The following MMS22L variants were observed in gnomAD, a reference collection of about 807,000 sequenced individuals.
MMS22L encodes protein MMS22-like.
MMS22L carries 74 observed loss-of-function variants against 159.1 expected under a neutral mutation model. The ratio of observed to expected loss-of-function variants is 0.47; its 90% confidence interval spans 0.39 to 0.56. The LOEUF is 0.56. Among genes scored for constraint, MMS22L ranks in the 20% least tolerant of loss-of-function variants. MMS22L has a pLI of 0.00. For synonymous variants in MMS22L, 517 were observed against 506.9 expected (o/e 1.02, Z -0.27); for missense variants, 1,351 against 1,422.1 (o/e 0.95, Z 0.80).
At chr6:97,176,172 T>C (rs2128262568) in intron 18 of MMS22L, among the ~76,000 whole-genome samples, 1 of 152,316 alleles carries the variant, frequency 6.6e-6, no homozygotes, top group Middle Eastern at 3.4e-3. Context: ...TCAATTATAA[T>C]GAATACTAGT....
Position 97,234,041 on chromosome 6 carries a change from C to T in MMS22L, c.1183-61G>A, listed in dbSNP as rs1811142738. On this transcript the variant is annotated intron_variant, in intron 11 of 24. Coordinates refer to ENST00000683635, the MANE Select transcript of MMS22L (RefSeq NM_001350599.2). ...GGCTCTGGCAATATAAACATTTTCA[C>T]TTGATATTGTGCTGTATATAACCTG... 3 of 1,558,096 alleles carry T rather than the reference C, an allele frequency of 1.9e-6. No homozygotes were observed. The South Asian group carries it at 3.7e-5, about 19-fold the overall frequency.
intron 4 of MMS22L, 114 bp from the exon 5 acceptor site, chr6:97,273,176 A>C (rs1815925871): frequency 9.7e-6 from 8 of 827,718 alleles, no homozygotes; most frequent in Non-Finnish European, 1.5e-5. Flanking sequence ...ATTTTATATT[A>C]AACATTCTCT....
rs929210704 is a variant in MMS22L at position 97,246,778 on chromosome 6, T to C, written c.1120-88A>G. 4 of 813,070 alleles carry C rather than the reference T, an allele frequency of 4.9e-6. No homozygotes were observed. In the African/African-American group the frequency reaches 5.2e-5, roughly 11 times the overall value. The allele number at this position is 813,070 out of a possible 1,614,324, so 50.4% of individuals were successfully genotyped here. Reference sequence around the variant, plus strand: ...AGGGTATAGCAAATTAAGTGTGCAGTACATTTTCCTCTATCATTCAGCATC... The same window carrying C: ...AGGGTATAGCAAATTAAGTGTGCAGCACATTTTCCTCTATCATTCAGCATC... On this transcript the variant is annotated intron_variant, in intron 10 of 24. Coordinates refer to ENST00000683635, the MANE Select transcript of MMS22L (RefSeq NM_001350599.2).
At chr6:97,235,289 C>T (rs1811279437) in intron 11 of MMS22L, among the ~76,000 whole-genome samples, 1 of 152,072 alleles carries the variant, frequency 6.6e-6, no homozygotes, top group African/African-American at 2.4e-5. Context: ...GTGCTATTTC[C>T]TGAAATGGCA....
intron 11 of MMS22L, among the ~76,000 whole-genome samples, chr6:97,244,626 G>A (rs1397219687): frequency 6.6e-6 from 1 of 152,190 alleles, no homozygotes; most frequent in Non-Finnish European, 1.5e-5. Context: ...CGTGCTGGAT[G>A]CTTCCTGCTC....
chr6:97,165,555 T>C (rs1205183098), intron 20 of MMS22L, 98 bp from the exon 21 acceptor site: 8 of 957,908 alleles, frequency 8.4e-6, no homozygotes, highest in Non-Finnish European at 1.1e-5. Flanking sequence ...TTAATAATCA[T>C]GTGAGAATAT....
In MMS22L at chr6:97,249,746, T is replaced by TA. The variant is rs1554275562; in HGVS notation, c.1120-3057dup. Among the ~76,000 whole-genome samples the TA allele has an allele frequency of 2.5e-4, 38 of 151,214 alleles. No individual in the cohort carries two copies. The South Asian group carries it at 6.3e-3, about 25-fold the overall frequency. ...ACCAATTTTTTTTTTTTTTTTTTTT[T>TA]ACCTAACATGCCTTCCCTCAGATTT... On this transcript the variant is annotated intron_variant, in intron 10 of 24. Coordinates refer to ENST00000683635, the MANE Select transcript of MMS22L (RefSeq NM_001350599.2).
At chr6:97,282,651 C>T (rs1469650529) in intron 1 of MMS22L, 98 bp from the exon 2 acceptor site, 1 of 511,426 alleles carries the variant, frequency 2.0e-6, no homozygotes, top group Non-Finnish European at 3.4e-6. Flanking sequence ...CGAACAAACC[C>T]AGAGGCCAAA....
chr6:97,155,559 C>T lies in MMS22L; in HGVS notation c.3386-3692G>A, dbSNP rs147776331. On this transcript the variant is annotated intron_variant, in intron 22 of 24. Transcript: ENST00000683635. ...ACTCCCACTTATAAGTGAGAACACGCGGTGTTTGGTTTTCTCTTCTTGTGT... is the reference window on the plus strand; with the variant it reads ...ACTCCCACTTATAAGTGAGAACACGTGGTGTTTGGTTTTCTCTTCTTGTGT... Among the ~76,000 whole-genome samples the T allele has an allele frequency of 6.1e-3, 935 of 152,152 alleles. 11 individuals carry two copies. Among genetic ancestry groups the T allele is most frequent in the African/African-American group, 0.021 (857 of 41,516 alleles).
chr6:97,202,115 C>G (rs1807236000), intron 14 of MMS22L, among the ~76,000 whole-genome samples: 3 of 152,164 alleles, frequency 2.0e-5, no homozygotes, highest in Admixed American at 1.3e-4. Flanking sequence ...TAGCACTTAA[C>G]ACAGATGACA....
intron 14 of MMS22L, among the ~76,000 whole-genome samples, chr6:97,194,686 C>T (rs1324072306): frequency 6.6e-6 from 1 of 152,100 alleles, no homozygotes; most frequent in Non-Finnish European, 1.5e-5. Flanking sequence ...TGAAAATACT[C>T]CTTTACTCTA....
At chr6:97,279,795 A>C (rs1816591452) in intron 3 of MMS22L, among the ~76,000 whole-genome samples, 1 of 152,130 alleles carries the variant, frequency 6.6e-6, no homozygotes, top group Admixed American at 6.5e-5. Context: ...CAAAAAAAAA[A>C]AAAAAGAAGT....
intron 8 of MMS22L, chr6:97,264,931 T>C (rs1280584626): frequency 6.6e-6 from 1 of 152,134 alleles, no homozygotes; most frequent in Non-Finnish European, 1.5e-5. Flanking sequence ...CTTGTGGTCA[T>C]GGATTGGAAG....
At chr6:97,164,943 A>G (rs951581168) in intron 21 of MMS22L, among the ~76,000 whole-genome samples, 1 of 152,138 alleles carries the variant, frequency 6.6e-6, no homozygotes, top group African/African-American at 2.4e-5. Flanking sequence ...TGTTTTATAC[A>G]GTATAAAATA....
intron 9 of MMS22L, chr6:97,260,336 C>G (rs751317390): frequency 6.6e-6 from 1 of 152,126 alleles, no homozygotes; most frequent in Non-Finnish European, 1.5e-5. Flanking sequence ...CCATCTCAAC[C>G]ATTTTCTCAC....
At chr6:97,222,185 C>T (rs1372834553) in intron 14 of MMS22L, among the ~76,000 whole-genome samples, 1 of 151,830 alleles carries the variant, frequency 6.6e-6, no homozygotes, top group Non-Finnish European at 1.5e-5. Context: ...AACTACTGAG[C>T]ATAAAAATAT....
At chr6:97,173,358 C>A in intron 18 of MMS22L, 136 bp from the exon 19 acceptor site, 1 of 670,718 alleles carries the variant, frequency 1.5e-6, no homozygotes, top group Non-Finnish European at 2.4e-6. Flanking sequence ...TGTAACCTTC[C>A]AATAAAGAGA....
intron 3 of MMS22L, among the ~76,000 whole-genome samples, chr6:97,280,137 T>C (rs1206845794): frequency 6.6e-6 from 1 of 152,174 alleles, no homozygotes; most frequent in African/African-American, 2.4e-5. Context: ...AGTTTAAGTC[T>C]CTTCAAAAGG....
intron 22 of MMS22L, among the ~76,000 whole-genome samples, chr6:97,159,694 C>T (rs1344626536): frequency 6.6e-6 from 1 of 151,800 alleles, no homozygotes; most frequent in Non-Finnish European, 1.5e-5. Context: ...AATTCCACAC[C>T]TGACTTCATG....
Sources: allele counts gnomAD v4.1 joint callset (sites outside exome capture counted in the v4.1 genomes callset), GRCh38; gene constraint gnomAD v4.1.1; transcripts MANE v1.5; gene names NCBI Gene and HGNC (gene_info 2026-07-23, HGNC 2026-07-21).